Variants in GUCY2F observed in about 807,000 individuals in gnomAD.
GUCY2F encodes retinal guanylyl cyclase 2.
GUCY2F carries 61 observed loss-of-function variants against 73.1 expected under a neutral mutation model. That is an observed-to-expected ratio of 0.83 (90% confidence interval 0.68 to 1.03). The LOEUF (loss-of-function observed/expected upper bound fraction) is 1.03, where lower values mean the gene tolerates loss of function less well. Ranked by LOEUF, GUCY2F falls within the 50% of genes least tolerant of loss-of-function variation. GUCY2F has a pLI of 0.00. For synonymous variants in GUCY2F, 331 were observed against 307.8 expected (o/e 1.08, Z -0.79); for missense variants, 912 against 854.3 (o/e 1.07, Z -0.84).
At chrX:109,398,216 C>A (rs1228597938) in intron 11 of GUCY2F, among the ~76,000 whole-genome samples, 1 of 110,041 alleles carries the variant, frequency 9.1e-6, no homozygotes, top group East Asian at 2.9e-4. Flanking sequence ...CCAGAAGCAT[C>A]ATGAGGGATA....
At chrX:109,467,403 G>C (rs769402182) in intron 2 of GUCY2F, among the ~76,000 whole-genome samples, 38 of 112,245 alleles carry the variant, frequency 3.4e-4, no homozygotes, top group African/African-American at 1.2e-3. Flanking sequence ...CTGCAAATCA[G>C]AGATTGAGTG....
intron 19 of GUCY2F, among the ~76,000 whole-genome samples, chrX:109,373,600 A>G (rs371450620): frequency 8.9e-6 from 1 of 112,158 alleles, no homozygotes. Context: ...CAAGCCTGCC[A>G]GTGTGACCCT....
intron 7 of GUCY2F, among the ~76,000 whole-genome samples, chrX:109,439,710 A>G (rs1020463502): frequency 8.9e-6 from 1 of 112,123 alleles, no homozygotes; most frequent in Non-Finnish European, 1.9e-5. Context: ...TAGAACATGG[A>G]CATAATTCAG....
rs976241637 is a variant in GUCY2F at position 109,396,697 on chromosome X, G to A, written c.2276-1208C>T. On this transcript the variant is annotated intron_variant, in intron 11 of 19. Transcript: ENST00000218006. ...AACAGTGCTGCTTTATCCCTAATAC[G>A]AGCCCCTTGCCTCCATAAAAGAATT... Among the ~76,000 whole-genome samples, 4 of 112,022 alleles carry A rather than the reference G, an allele frequency of 3.6e-5. No homozygotes were observed. The Admixed American group carries it at 3.8e-4, about 11-fold the overall frequency.
chrX:109,415,641 G>A (rs939596029), intron 8 of GUCY2F, among the ~76,000 whole-genome samples: 4 of 111,943 alleles, frequency 3.6e-5, no homozygotes, highest in African/African-American at 1.3e-4. Context: ...TAGACTTTTG[G>A]AAGGATATGC....
Position 109,475,837 on chromosome X carries a change from A to T in GUCY2F, c.100T>A (p.Trp34Arg). The T allele has an allele frequency of 8.3e-7, 1 of 1,210,956 alleles. No homozygotes were observed. The highest frequency in any genetic ancestry group is 1.1e-6 in the Non-Finnish European group (1 of 895,118). Residue 34 changes from tryptophan (W) to arginine (R), a missense_variant, in exon 2 of 20, where the codon TGG becomes AGG. Coordinates refer to ENST00000218006, the MANE Select transcript of GUCY2F (RefSeq NM_001522.3). ...ATGACAGACAGAAGGCACAAGCACC[A>T]CAGGAACTTGGCAGATGCAAGGCCA... ...HHGLASAKFL[W>R]CLCLLSVMSL...
intron 2 of GUCY2F, among the ~76,000 whole-genome samples, chrX:109,469,545 A>AC (rs948209039): frequency 1.2e-4 from 13 of 109,076 alleles, no homozygotes; most frequent in East Asian, 2.9e-4. Flanking sequence ...CCACAGAGAC[A>AC]CCCCCCCATT....
chrX:109,434,715 G>C (rs2147270064), intron 7 of GUCY2F, among the ~76,000 whole-genome samples: 1 of 110,007 alleles, frequency 9.1e-6, no homozygotes, highest in African/African-American at 3.4e-5. Flanking sequence ...CCTATGTCCT[G>C]AATGGTAAAG....
intron 10 of GUCY2F, among the ~76,000 whole-genome samples, chrX:109,402,601 G>C (rs1930871480): frequency 9.0e-6 from 1 of 111,261 alleles, no homozygotes; most frequent in African/African-American, 3.3e-5. Flanking sequence ...TCGAACTCCT[G>C]ACCTCGTGAT....
chrX:109,455,524 T>A (rs762284139), intron 3 of GUCY2F, among the ~76,000 whole-genome samples: 3 of 111,953 alleles, frequency 2.7e-5, no homozygotes, highest in Non-Finnish European at 3.8e-5. Flanking sequence ...GATTGGAATA[T>A]ATGTCCCCTG....
At chrX:109,406,250 C>A (rs1035457292) in intron 9 of GUCY2F, among the ~76,000 whole-genome samples, 4 of 111,805 alleles carry the variant, frequency 3.6e-5, no homozygotes, top group Non-Finnish European at 5.6e-5. Flanking sequence ...CCTGATAGAT[C>A]CACTGGTCTT....
intron 17 of GUCY2F, among the ~76,000 whole-genome samples, chrX:109,376,936 AAAAATGT>A (rs1930194327): frequency 8.9e-6 from 1 of 111,889 alleles, no homozygotes. Flanking sequence ...TCCATAAGAA[AAAAATGT>A]GTTTACCAAG....
At chrX:109,440,617 C>T (rs1158273778) in intron 7 of GUCY2F, among the ~76,000 whole-genome samples, 1 of 112,021 alleles carries the variant, frequency 8.9e-6, no homozygotes, top group African/African-American at 3.2e-5. Context: ...AAGGAAACCA[C>T]ACTGAGAAGG....
At chrX:109,432,761 A>T (rs1269056076) in intron 7 of GUCY2F, among the ~76,000 whole-genome samples, 2 of 112,164 alleles carry the variant, frequency 1.8e-5, no homozygotes, top group Admixed American at 1.9e-4. Context: ...TGCTCTGCAC[A>T]TCACCAAATT....
chrX:109,420,336 G>GAGAA (rs1341038363), intron 8 of GUCY2F, among the ~76,000 whole-genome samples: 2 of 101,020 alleles, frequency 2.0e-5, no homozygotes, highest in Non-Finnish European at 4.0e-5. Flanking sequence ...AAGAGAGAAA[G>GAGAA]AGAAAGAAAG....
intron 9 of GUCY2F, among the ~76,000 whole-genome samples, chrX:109,405,705 G>A (rs141056304): frequency 2.5e-3 from 273 of 111,346 alleles, no homozygotes; most frequent in African/African-American, 3.1e-3. Flanking sequence ...GTTGTCTAAC[G>A]GTTGCTTTTC....
intron 8 of GUCY2F, among the ~76,000 whole-genome samples, chrX:109,424,022 A>C (rs950503468): frequency 3.6e-5 from 4 of 112,182 alleles, no homozygotes; most frequent in Non-Finnish European, 3.8e-5. Context: ...AAAAACATAA[A>C]TTATCAGTAT....
At chrX:109,444,130 GTC>G (rs771844886) in intron 6 of GUCY2F, among the ~76,000 whole-genome samples, 107 of 111,854 alleles carry the variant, frequency 9.6e-4, no homozygotes, top group African/African-American at 3.4e-3. Flanking sequence ...AAATTTTTAT[GTC>G]ACAAGGGTGG....
intron 2 of GUCY2F, among the ~76,000 whole-genome samples, chrX:109,472,541 G>A (rs73530261): frequency 0.012 from 1,382 of 112,002 alleles, 14 homozygotes; most frequent in East Asian, 0.053. Context: ...TAACATCCAG[G>A]AATACTTAGC....
Sources: allele counts gnomAD v4.1 joint callset (sites outside exome capture counted in the v4.1 genomes callset), GRCh38; gene constraint gnomAD v4.1.1; transcripts MANE v1.5; gene names NCBI Gene and HGNC (gene_info 2026-07-23, HGNC 2026-07-21).